The following SUSD6 variants were observed in gnomAD, a reference collection of about 807,000 sequenced individuals.
SUSD6 encodes sushi domain containing 6.
A neutral mutation model predicts 28.4 loss-of-function variants in SUSD6; 16 were observed. The observed-to-expected ratio is 0.56, with a 90% confidence interval of 0.38 to 0.86. The LOEUF is 0.86. Among genes scored for constraint, SUSD6 ranks in the 40% least tolerant of loss-of-function variants. The pLI, the probability that SUSD6 is intolerant of heterozygous loss-of-function variation, is 0.00. For missense variants in SUSD6, 341 were observed against 384.2 expected, an observed-to-expected ratio of 0.89 and a Z score of 0.94; for synonymous variants, 147 against 159.6, an observed-to-expected ratio of 0.92 and a Z score of 0.59.
chr14:69,662,779 C>T (rs938702865), intron 2 of SUSD6, among the ~76,000 whole-genome samples: 2 of 152,180 alleles, frequency 1.3e-5, no homozygotes, highest in African/African-American at 4.8e-5. Context: ...TGCTGTATGA[C>T]CTGAGGCAAA....
At chr14:69,627,162 G>T (rs1191075328) in intron 1 of SUSD6, among the ~76,000 whole-genome samples, 2 of 152,222 alleles carry the variant, frequency 1.3e-5, no homozygotes. Flanking sequence ...AACACAAGTT[G>T]TTCAGGACTT....
Position 69,711,564 on chromosome 14 carries a change from G to C in SUSD6, c.*585G>C, listed in dbSNP as rs1886463628. On this transcript the variant is annotated 3_prime_UTR_variant, in exon 6 of 6. Coordinates refer to ENST00000342745, the MANE Select transcript of SUSD6 (RefSeq NM_014734.4). ...TGGCAGAAGTGGCTCTAATTGGGGT[G>C]AGAGTGTAGTCCCTGGGCTTGCCCT... The C allele has an allele frequency of 6.5e-6, 1 of 153,194 alleles. No individual in the cohort carries two copies. Among genetic ancestry groups the C allele is most frequent in the African/African-American group, 2.4e-5 (1 of 41,456 alleles). The allele number at this position is 153,194 out of a possible 1,614,324, so 9.5% of individuals were successfully genotyped here. A position where few individuals can be genotyped will look rare whatever the true frequency, so the allele number is the denominator to read the frequency against.
At position 69,714,155 on chromosome 14, in the gene SUSD6, C is replaced by G. The variant is rs1886512108; in HGVS notation, c.*3176C>G. 1 of 152,128 alleles carries G rather than the reference C, an allele frequency of 6.6e-6. No individual in the cohort carries two copies. The allele number at this position is 152,128 out of a possible 1,614,324, so 9.4% of individuals were successfully genotyped here. A position where few individuals can be genotyped will look rare whatever the true frequency, so the allele number is the denominator to read the frequency against. On this transcript the variant is annotated 3_prime_UTR_variant, in exon 6 of 6. Transcript: ENST00000342745. ...ACAAGCACTCCATTTGCAAACAGAT[C>G]TTAAGCTAATATTTTCTTTCCCATT...
intron 1 of SUSD6, among the ~76,000 whole-genome samples, chr14:69,635,030 T>C (rs1885243809): frequency 6.6e-6 from 1 of 152,194 alleles, no homozygotes; most frequent in South Asian, 2.1e-4. Flanking sequence ...TCAGCAGTAG[T>C]TTGGTAATGA....
chr14:69,645,455 GT>G (rs1885412439), intron 1 of SUSD6, among the ~76,000 whole-genome samples: 1 of 152,108 alleles, frequency 6.6e-6, no homozygotes, highest in Non-Finnish European at 1.5e-5. Context: ...GAGAGACTTT[GT>G]TGTTGTTGAA....
intron 1 of SUSD6, among the ~76,000 whole-genome samples, chr14:69,625,665 C>G (rs1477067328): frequency 6.6e-6 from 1 of 152,180 alleles, no homozygotes; most frequent in African/African-American, 2.4e-5. Context: ...CATCCTTTTT[C>G]CACCTTCCAG....
At chr14:69,627,494 T>C (rs569509214) in intron 1 of SUSD6, among the ~76,000 whole-genome samples, 4 of 152,254 alleles carry the variant, frequency 2.6e-5, no homozygotes, top group Non-Finnish European at 4.4e-5. Flanking sequence ...TTTTTTCTTT[T>C]TGAGACAGAG....
chr14:69,669,220 T>C (rs745700229), intron 2 of SUSD6, among the ~76,000 whole-genome samples: 2 of 151,774 alleles, frequency 1.3e-5, no homozygotes, highest in Non-Finnish European at 2.9e-5. Context: ...TGTGCCACCA[T>C]GCCTGGCTAA....
intron 1 of SUSD6, among the ~76,000 whole-genome samples, chr14:69,631,129 T>G (rs1253768141): frequency 6.6e-6 from 1 of 152,234 alleles, no homozygotes; most frequent in Non-Finnish European, 1.5e-5. Context: ...AAAGTATGCT[T>G]TAGCATCACC....
chr14:69,690,193 T>G (rs866851266), intron 2 of SUSD6, among the ~76,000 whole-genome samples: 68 of 152,324 alleles, frequency 4.5e-4, no homozygotes, highest in African/African-American at 1.6e-3. Flanking sequence ...AAAGAGGCCA[T>G]GACAGGTGAC....
At chr14:69,690,654 C>T (rs1886139758) in intron 2 of SUSD6, among the ~76,000 whole-genome samples, 1 of 152,148 alleles carries the variant, frequency 6.6e-6, no homozygotes, top group Non-Finnish European at 1.5e-5. Flanking sequence ...GCAAAGGAAA[C>T]CAAGAAGGCA....
chr14:69,698,988 T>A lies in SUSD6; in HGVS notation c.122-4407T>A, dbSNP rs533530654. Reference sequence around the variant, plus strand: ...AGAGCTTCCTTCTGCGAACCTGGAATTGTCAGAGAATGATCCTGGTGCACA... The same window carrying A: ...AGAGCTTCCTTCTGCGAACCTGGAAATGTCAGAGAATGATCCTGGTGCACA... On this transcript the variant is annotated intron_variant, in intron 2 of 5. Coordinates refer to ENST00000342745, the MANE Select transcript of SUSD6 (RefSeq NM_014734.4). Among the ~76,000 whole-genome samples, 4 of 152,324 alleles carry A rather than the reference T, an allele frequency of 2.6e-5. No individual in the cohort carries two copies. In the East Asian group the frequency reaches 7.7e-4, roughly 29 times the overall value.
chr14:69,685,606 A>G (rs1886061701), intron 2 of SUSD6, among the ~76,000 whole-genome samples: 2 of 152,170 alleles, frequency 1.3e-5, no homozygotes, highest in Non-Finnish European at 2.9e-5. Context: ...GAGATTTTGG[A>G]GCCTCGATAC....
Position 69,658,495 on chromosome 14 carries a change from C to A in SUSD6, c.-80-18C>A. The A allele has an allele frequency of 7.7e-7, 1 of 1,305,622 alleles. No homozygotes were observed. Among genetic ancestry groups the A allele is most frequent in the Non-Finnish European group, 1.1e-6 (1 of 938,284 alleles). The allele number at this position is 1,305,622 out of a possible 1,614,324, so 80.9% of individuals were successfully genotyped here. On this transcript the variant is annotated intron_variant, in intron 1 of 5. Coordinates refer to ENST00000342745, the MANE Select transcript of SUSD6 (RefSeq NM_014734.4). Reference sequence around the variant, plus strand: ...ATGGCTGAAGTTTTCACTTTATGTCCTTGTTTGTTTGTTACAGGTGAATCA... The same window carrying A: ...ATGGCTGAAGTTTTCACTTTATGTCATTGTTTGTTTGTTACAGGTGAATCA...
chr14:69,709,561 A>T (rs982204494), intron 5 of SUSD6, among the ~76,000 whole-genome samples: 2 of 152,198 alleles, frequency 1.3e-5, no homozygotes, highest in East Asian at 3.8e-4. Flanking sequence ...TTCTTGCACT[A>T]TCTCAGTTAA....
At chr14:69,612,080 G>A (rs1280615242) in intron 1 of SUSD6, among the ~76,000 whole-genome samples, 1 of 151,054 alleles carries the variant, frequency 6.6e-6, no homozygotes, top group African/African-American at 2.4e-5. Flanking sequence ...CGCGGCCGGG[G>A]GGACCGGCGG....
chr14:69,625,803 C>T (rs1315772555), intron 1 of SUSD6, among the ~76,000 whole-genome samples: 1 of 152,298 alleles, frequency 6.6e-6, no homozygotes, highest in African/African-American at 2.4e-5. Flanking sequence ...TCTGTCACAT[C>T]CAGAAAATTC....
At chr14:69,676,647 G>C (rs1885914906) in intron 2 of SUSD6, among the ~76,000 whole-genome samples, 1 of 152,118 alleles carries the variant, frequency 6.6e-6, no homozygotes, top group Non-Finnish European at 1.5e-5. Context: ...CTCATGCCTT[G>C]GCCTCCCAGA....
In SUSD6 at chr14:69,709,022, A is replaced by G. The variant is rs748499581; in HGVS notation, c.804A>G (p.Gln268=). ...SSWVAGSGNR[Q]LAHKETADSE... ...GGGTGGCCGGCTCAGGGAACCGCCAACTGGCACACAAAGAAACTGCAGATT... is the reference window on the plus strand; with the variant it reads ...GGGTGGCCGGCTCAGGGAACCGCCAGCTGGCACACAAAGAAACTGCAGATT... Residue 268 remains glutamine, a synonymous_variant, in exon 5 of 6, where the codon CAA becomes CAG. Transcript: ENST00000342745. 33 of 1,614,070 alleles carry G rather than the reference A, an allele frequency of 2.0e-5. No individual in the cohort carries two copies. Among genetic ancestry groups the G allele is most frequent in the Admixed American group, 3.3e-5 (2 of 60,026 alleles).
Sources: allele counts gnomAD v4.1 joint callset (sites outside exome capture counted in the v4.1 genomes callset), GRCh38; gene constraint gnomAD v4.1.1; transcripts MANE v1.5; gene names NCBI Gene and HGNC (gene_info 2026-07-23, HGNC 2026-07-21).